UMAD1: variants seen among roughly 807,000 people sequenced by gnomAD.
The protein encoded by UMAD1 is UBAP1-MVB12-associated (UMA) domain containing 1.
Under a neutral mutation model 6.1 loss-of-function variants are expected in UMAD1, and 8 were observed. The observed-to-expected ratio is 1.30, with a 90% confidence interval of 0.76 to 2.35. The LOEUF is 2.35. UMAD1 is among the 30% of genes most tolerant of loss of function. The pLI is 0.00. For synonymous variants in UMAD1, 56 were observed against 31.4 expected, an observed-to-expected ratio of 1.78 and a Z score of -2.61; for missense variants, 130 against 78.4, an observed-to-expected ratio of 1.66 and a Z score of -2.49.
intron 2 of UMAD1, chr7:7,715,195 G>A (rs1415947129): frequency 6.6e-6 from 1 of 152,184 alleles, no homozygotes; most frequent in Non-Finnish European, 1.5e-5. Context: ...TGTATTCCCT[G>A]TGCATTGTCT....
intron 2 of UMAD1, among the ~76,000 whole-genome samples, chr7:7,776,808 A>G (rs190479292): frequency 9.2e-5 from 14 of 152,328 alleles, no homozygotes; most frequent in African/African-American, 3.1e-4. Flanking sequence ...ATTCGTTTTG[A>G]CTAGATAATA....
chr7:7,672,787 C>T (rs1779639641), intron 1 of UMAD1, among the ~76,000 whole-genome samples: 2 of 152,168 alleles, frequency 1.3e-5, no homozygotes, highest in Admixed American at 6.5e-5. Flanking sequence ...GATATTTCTT[C>T]ATAGCAGTGT....
At chr7:7,858,510 G>A (rs1784060363) in intron 3 of UMAD1, among the ~76,000 whole-genome samples, 1 of 152,212 alleles carries the variant, frequency 6.6e-6, no homozygotes, top group South Asian at 2.1e-4. Context: ...TGAAACCATA[G>A]CAATGATTTC....
intron 2 of UMAD1, chr7:7,689,365 C>T (rs1446677739): frequency 4.6e-5 from 7 of 152,226 alleles, no homozygotes; most frequent in Middle Eastern, 6.8e-3. Context: ...GGTCACATGT[C>T]GAAGATGGCA....
At chr7:7,730,219 A>C (rs1202887560) in intron 2 of UMAD1, among the ~76,000 whole-genome samples, 1 of 152,092 alleles carries the variant, frequency 6.6e-6, no homozygotes, top group Non-Finnish European at 1.5e-5. Flanking sequence ...GTGAATTTCA[A>C]CCTTGGCTGT....
chr7:7,725,526 CA>C (rs1048111077), intron 2 of UMAD1, among the ~76,000 whole-genome samples: 9 of 152,190 alleles, frequency 5.9e-5, no homozygotes, highest in African/African-American at 2.2e-4. Flanking sequence ...TTTTGAGAGA[CA>C]GCTCTTGGCC....
chr7:7,663,298 C>CTTTGTTTTTG (rs59932473), intron 1 of UMAD1, among the ~76,000 whole-genome samples: 89,944 of 151,438 alleles, frequency 0.59, 26,849 homozygotes, highest in East Asian at 0.8. Context: ...CTTTGTTTTT[C>CTTTGTTTTTG]TTTCATTTTT....
At chr7:7,802,854 T>C (rs1375045487) in intron 3 of UMAD1, among the ~76,000 whole-genome samples, 1 of 152,252 alleles carries the variant, frequency 6.6e-6, no homozygotes, top group Non-Finnish European at 1.5e-5. Flanking sequence ...TAGAGACTAA[T>C]ATACTTTTAA....
At chr7:7,677,467 A>G (rs944797163) in intron 2 of UMAD1, among the ~76,000 whole-genome samples, 14 of 152,096 alleles carry the variant, frequency 9.2e-5, no homozygotes, top group Admixed American at 5.9e-4. Context: ...TTCAATTTGA[A>G]AAAAACTGAG....
chr7:7,847,102 A>T lies in UMAD1; in HGVS notation c.157-30179A>T, dbSNP rs867532006. Among the ~76,000 whole-genome samples the T allele has an allele frequency of 6.4e-3, 130 of 20,176 alleles. 6 individuals are homozygous for T. The highest frequency in any genetic ancestry group is 0.022 in the African/African-American group (69 of 3,116). The allele number at this position is 20,176 out of a possible 152,430, so 13.2% of individuals were successfully genotyped here. On this transcript the variant is annotated intron_variant, in intron 3 of 3. Coordinates refer to ENST00000682710, the MANE Select transcript of UMAD1 (RefSeq NM_001302348.2). ...GACAGCAATGCAAAAAAAAAAAAAAAAAATATATATATATATATATATATA... is the reference window on the plus strand; with the variant it reads ...GACAGCAATGCAAAAAAAAAAAAAATAAATATATATATATATATATATATA...
chr7:7,817,778 G>C (rs1422578834), intron 3 of UMAD1, among the ~76,000 whole-genome samples: 1 of 152,040 alleles, frequency 6.6e-6, no homozygotes, highest in East Asian at 1.9e-4. Flanking sequence ...CATTTTCAAT[G>C]GTACTTTTTA....
intron 2 of UMAD1, among the ~76,000 whole-genome samples, chr7:7,784,756 CTTTTTTTTTTTTT>C (rs71014716): frequency 2.5e-5 from 2 of 78,522 alleles, no homozygotes; most frequent in Non-Finnish European, 4.6e-5. Context: ...GCCCTTCCTT[CTTTTTTTTTTTTT>C]TTTTTTTTTT....
intron 3 of UMAD1, chr7:7,868,246 A>G (rs902501252): frequency 1.3e-5 from 2 of 152,036 alleles, no homozygotes; most frequent in Admixed American, 1.3e-4. Flanking sequence ...ATTAAATAGG[A>G]TCCTGCATTT....
rs910205831 is a variant in UMAD1, at chr7:7,840,713, G to A, written c.157-36568G>A. On this transcript the variant is annotated intron_variant, in intron 3 of 3. Coordinates refer to ENST00000682710, the MANE Select transcript of UMAD1 (RefSeq NM_001302348.2). ...ATTATTGACAGTGGCAATAGCAGCA[G>A]CATTATCCTGGGGAAAGTCTCCAGA... Among the ~76,000 whole-genome samples the A allele has an allele frequency of 2.6e-5, 4 of 152,168 alleles. No individual in the cohort carries two copies. In the East Asian group the frequency reaches 7.7e-4, roughly 29 times the overall value.
At chr7:7,756,848 G>A (rs1053343656) in intron 2 of UMAD1, among the ~76,000 whole-genome samples, 6 of 152,160 alleles carry the variant, frequency 3.9e-5, no homozygotes, top group Non-Finnish European at 7.3e-5. Flanking sequence ...TAAAGTCTGG[G>A]TGATTCTACT....
chr7:7,797,951 T>A (rs1782721230), intron 2 of UMAD1, among the ~76,000 whole-genome samples: 1 of 152,172 alleles, frequency 6.6e-6, no homozygotes, highest in Non-Finnish European at 1.5e-5. Flanking sequence ...CCTCCCAAAG[T>A]GCTGGGATTA....
At chr7:7,726,111 A>G (rs1439357690) in intron 2 of UMAD1, among the ~76,000 whole-genome samples, 1 of 152,236 alleles carries the variant, frequency 6.6e-6, no homozygotes, top group East Asian at 1.9e-4. Flanking sequence ...TGGAAGAAGC[A>G]TGATTGGAAA....
chr7:7,731,659 A>G (rs1344187761), intron 2 of UMAD1, among the ~76,000 whole-genome samples: 1 of 152,232 alleles, frequency 6.6e-6, no homozygotes, highest in East Asian at 1.9e-4. Flanking sequence ...AGCTGCCGCA[A>G]TAAAAGAGAG....
At chr7:7,672,502 C>A (rs938095122) in intron 1 of UMAD1, among the ~76,000 whole-genome samples, 1 of 152,104 alleles carries the variant, frequency 6.6e-6, no homozygotes, top group Non-Finnish European at 1.5e-5. Flanking sequence ...TTGTCCCCAC[C>A]CAAATCTCAC....
Sources: allele counts gnomAD v4.1 joint callset (sites outside exome capture counted in the v4.1 genomes callset), GRCh38; gene constraint gnomAD v4.1.1; transcripts MANE v1.5; gene names NCBI Gene and HGNC (gene_info 2026-07-23, HGNC 2026-07-21).